MSI2: variants seen among roughly 807,000 people sequenced by gnomAD.
MSI2 encodes the protein musashi RNA binding protein 2, also known as RNA-binding protein Musashi homolog 2.
Under a neutral mutation model 45.6 loss-of-function variants are expected in MSI2, and 17 were observed. That is an observed-to-expected ratio of 0.37 (90% confidence interval 0.26 to 0.56). MSI2 has a LOEUF of 0.56. Among genes scored for constraint, MSI2 ranks in the 20% least tolerant of loss-of-function variants. MSI2 has a pLI of 0.77. For synonymous variants in MSI2, 156 were observed against 158.2 expected, an observed-to-expected ratio of 0.99 and a Z score of 0.11; for missense variants, 293 against 444.2, an observed-to-expected ratio of 0.66 and a Z score of 3.06.
chr17:57,389,187 C>T (rs1191005335), intron 5 of MSI2, among the ~76,000 whole-genome samples: 1 of 151,994 alleles, frequency 6.6e-6, no homozygotes, highest in African/African-American at 2.4e-5. Context: ...CCATATTGGC[C>T]AGGCTGGTCT....
intron 6 of MSI2, among the ~76,000 whole-genome samples, chr17:57,472,719 C>T (rs1026678796): frequency 2.6e-5 from 4 of 152,180 alleles, no homozygotes; most frequent in African/African-American, 4.8e-5. Context: ...GTGTGAAACA[C>T]TCAGCGTGGA....
intron 5 of MSI2, among the ~76,000 whole-genome samples, chr17:57,391,382 C>G (rs1373922349): frequency 6.6e-6 from 1 of 152,116 alleles, no homozygotes; most frequent in Non-Finnish European, 1.5e-5. Context: ...ACGTGAGGCT[C>G]GGAACTGTTA....
intron 9 of MSI2, chr17:57,616,383 A>C: frequency 9.5e-6 from 2 of 209,726 alleles, no homozygotes; most frequent in Non-Finnish European, 1.9e-5. Context: ...TCCTTCCTCA[A>C]AAGAAGGAAA....
intron 6 of MSI2, among the ~76,000 whole-genome samples, chr17:57,472,723 G>A (rs759641138): frequency 2.0e-5 from 3 of 152,174 alleles, no homozygotes; most frequent in Non-Finnish European, 4.4e-5. Context: ...GAAACACTCA[G>A]CGTGGATCCT....
intron 10 of MSI2, among the ~76,000 whole-genome samples, chr17:57,647,834 G>A (rs987521417): frequency 6.6e-6 from 1 of 151,938 alleles, no homozygotes; most frequent in African/African-American, 2.4e-5. Flanking sequence ...TAGAGACAGG[G>A]TTTCACTATG....
chr17:57,668,171 A>G (rs1223860298), intron 11 of MSI2, among the ~76,000 whole-genome samples: 4 of 152,070 alleles, frequency 2.6e-5, no homozygotes, highest in Non-Finnish European at 5.9e-5. Flanking sequence ...TGCACTGTTG[A>G]GATTATATCT....
chr17:57,360,237 T>C (rs1349955485), intron 5 of MSI2, among the ~76,000 whole-genome samples: 1 of 152,250 alleles, frequency 6.6e-6, no homozygotes, highest in Non-Finnish European at 1.5e-5. Context: ...TGCCACATGC[T>C]CGTGCTTGTG....
intron 7 of MSI2, among the ~76,000 whole-genome samples, chr17:57,582,490 T>C (rs541416168): frequency 1.3e-5 from 2 of 152,152 alleles, no homozygotes; most frequent in Non-Finnish European, 2.9e-5. Context: ...AAAAAAGAAT[T>C]CTTGATTTAA....
chr17:57,600,525 C>T (rs1567927576), intron 8 of MSI2, among the ~76,000 whole-genome samples: 1 of 152,188 alleles, frequency 6.6e-6, no homozygotes, highest in Non-Finnish European at 1.5e-5. Context: ...ATTATAATTC[C>T]TAAAGCCATT....
At chr17:57,647,208 C>T (rs1250667858) in intron 10 of MSI2, among the ~76,000 whole-genome samples, 1 of 143,644 alleles carries the variant, frequency 7.0e-6, no homozygotes, top group Non-Finnish European at 1.5e-5. Flanking sequence ...GTGGGCAGAT[C>T]ACCTGAGGTC....
chr17:57,424,317 T>C (rs2084450811), intron 6 of MSI2, among the ~76,000 whole-genome samples: 2 of 152,228 alleles, frequency 1.3e-5, no homozygotes, highest in South Asian at 4.1e-4. Flanking sequence ...TTTGAAGATC[T>C]TCTACCTAGT....
chr17:57,457,716 A>G, intron 6 of MSI2, among the ~76,000 whole-genome samples: 1 of 151,902 alleles, frequency 6.6e-6, no homozygotes, highest in East Asian at 1.9e-4. Context: ...GCAACATAGC[A>G]AAACTCTATC....
intron 6 of MSI2, among the ~76,000 whole-genome samples, chr17:57,501,725 G>A (rs992212613): frequency 6.6e-6 from 1 of 152,152 alleles, no homozygotes; most frequent in Non-Finnish European, 1.5e-5. Context: ...GCAACGAGAC[G>A]GACCTAGAAT....
chr17:57,349,077 A>G (rs1391957051), intron 5 of MSI2, among the ~76,000 whole-genome samples: 1 of 152,172 alleles, frequency 6.6e-6, no homozygotes, highest in Non-Finnish European at 1.5e-5. Flanking sequence ...TTCCTGAAAT[A>G]AGAGCATTCT....
chr17:57,317,024 G>A (rs1425919128), intron 5 of MSI2, among the ~76,000 whole-genome samples: 4 of 152,068 alleles, frequency 2.6e-5, no homozygotes, highest in African/African-American at 9.7e-5. Flanking sequence ...GTGCTCAAAA[G>A]CCATTTGTGG....
In MSI2 at chr17:57,677,019, A is replaced by G; in HGVS notation, c.978A>G (p.Gly326=). The part of the protein sequence containing the change: ...GPLIATAFTN[G]YH ...TGATTGCAACGGCCTTTACAAATGG[A>G]TACCATTGAGCAGGTGCTTTCGTTG... Residue 326 remains glycine, a synonymous_variant, in exon 13 of 14, where the codon GGA becomes GGG. Coordinates refer to ENST00000284073, the MANE Select transcript of MSI2 (RefSeq NM_138962.4). The G allele has an allele frequency of 6.2e-7, 1 of 1,613,920 alleles. No homozygotes were observed. Among genetic ancestry groups the G allele is most frequent in the Non-Finnish European group, 8.5e-7 (1 of 1,179,790 alleles).
chr17:57,269,499 C>T (rs7215653), intron 5 of MSI2, among the ~76,000 whole-genome samples: 4,701 of 152,296 alleles, frequency 0.031, 250 homozygotes, highest in African/African-American at 0.11. Context: ...TCTCTCTTGC[C>T]ATAGACTCTT....
At chr17:57,340,005 G>A (rs188811226) in intron 5 of MSI2, among the ~76,000 whole-genome samples, 10 of 152,290 alleles carry the variant, frequency 6.6e-5, no homozygotes, top group Admixed American at 3.9e-4. Flanking sequence ...GGGCAGCAGA[G>A]GTGTTGGAAT....
intron 11 of MSI2, among the ~76,000 whole-genome samples, chr17:57,659,386 G>A (rs1284505788): frequency 2.6e-5 from 4 of 152,124 alleles, no homozygotes; most frequent in African/African-American, 9.7e-5. Context: ...GTGAGCCACT[G>A]TGCCTGGCCT....
Sources: allele counts gnomAD v4.1 joint callset (sites outside exome capture counted in the v4.1 genomes callset), GRCh38; gene constraint gnomAD v4.1.1; transcripts MANE v1.5; gene names NCBI Gene and HGNC (gene_info 2026-07-23, HGNC 2026-07-21).